The following RHBDL3 variants were observed in gnomAD, a reference collection of about 807,000 sequenced individuals.
RHBDL3 encodes the protein rhomboid-related protein 3.
RHBDL3 carries 28 observed loss-of-function variants against 48.2 expected under a neutral mutation model. The observed-to-expected ratio is 0.58, with a 90% CI of 0.43 to 0.80. The LOEUF (loss-of-function observed/expected upper bound fraction) is 0.80. Among genes scored for constraint, RHBDL3 ranks in the 30% least tolerant of loss-of-function variants. The pLI, the probability that RHBDL3 is intolerant of heterozygous loss-of-function variation, is 0.00. For missense variants in RHBDL3, 464 were observed against 542.7 expected (o/e 0.85, Z 1.44); for synonymous variants, 208 against 232.3 (o/e 0.90, Z 0.95).
intron 6 of RHBDL3, among the ~76,000 whole-genome samples, chr17:32,304,110 C>T (rs1465861528): frequency 6.6e-6 from 1 of 152,186 alleles, no homozygotes; most frequent in African/African-American, 2.4e-5. Context: ...CCCCTCTTTT[C>T]TTTGCTCAGC....
intron 6 of RHBDL3, among the ~76,000 whole-genome samples, chr17:32,305,072 C>G (rs367904837): frequency 6.6e-6 from 1 of 150,842 alleles, no homozygotes; most frequent in Admixed American, 6.6e-5. Flanking sequence ...GTGAGCTGAT[C>G]GTGCCACTGC....
chr17:32,287,791 G>A (rs1056774166), intron 3 of RHBDL3, among the ~76,000 whole-genome samples: 10 of 152,192 alleles, frequency 6.6e-5, no homozygotes, highest in African/African-American at 2.4e-4. Context: ...CTGAGGTGTG[G>A]GCTTGGGAGA....
intron 6 of RHBDL3, among the ~76,000 whole-genome samples, chr17:32,298,940 G>A (rs1162632372): frequency 6.6e-6 from 1 of 152,168 alleles, no homozygotes; most frequent in Non-Finnish European, 1.5e-5. Flanking sequence ...AGGTGAGGTG[G>A]GTGAAGTTAG....
At chr17:32,291,005 A>G (rs1236558426) in intron 4 of RHBDL3, among the ~76,000 whole-genome samples, 1 of 148,570 alleles carries the variant, frequency 6.7e-6, no homozygotes, top group Non-Finnish European at 1.5e-5. Flanking sequence ...TGTCTCAAGA[A>G]AAAAAAAAAA....
chr17:32,305,236 T>C, intron 6 of RHBDL3, 105 bp from the exon 7 acceptor site: 1 of 764,622 alleles, frequency 1.3e-6, no homozygotes, highest in South Asian at 1.4e-5. Flanking sequence ...TGGAGCGTCT[T>C]GCTCTGGAGT....
At chr17:32,284,441 G>A in intron 2 of RHBDL3, 1 of 509,844 alleles carries the variant, frequency 2.0e-6, no homozygotes, top group Admixed American at 3.5e-5. Flanking sequence ...ATCCACGTGA[G>A]ATGGTTGGAT....
Position 32,322,341 on chromosome 17 carries a change from A to G in RHBDL3, c.*1112A>G, listed in dbSNP as rs2041155527. On this transcript the variant is annotated 3_prime_UTR_variant, in exon 9 of 9. Transcript: ENST00000269051. ...GTCCCTTCCACACCTGCCCCTGAGCATCACTGACCGGTGGCAGAATGGCCC... is the reference window on the plus strand; with the variant it reads ...GTCCCTTCCACACCTGCCCCTGAGCGTCACTGACCGGTGGCAGAATGGCCC... The G allele has an allele frequency of 1.3e-5, 2 of 152,376 alleles. No homozygotes were observed. The highest frequency in any genetic ancestry group is 2.9e-5 in the Non-Finnish European group (2 of 68,138). 9.4% of individuals were successfully genotyped at this position (152,376 alleles called of 1,614,324 possible). A position where few individuals can be genotyped will look rare whatever the true frequency, so the allele number is the denominator to read the frequency against.
At chr17:32,277,040 CT>C (rs1234464605) in intron 2 of RHBDL3, among the ~76,000 whole-genome samples, 1 of 152,244 alleles carries the variant, frequency 6.6e-6, no homozygotes, top group African/African-American at 2.4e-5. Flanking sequence ...CTCATTCTGC[CT>C]TGGTGTGTGT....
chr17:32,307,311 T>C (rs2040733867), intron 7 of RHBDL3, among the ~76,000 whole-genome samples: 1 of 152,226 alleles, frequency 6.6e-6, no homozygotes, highest in Non-Finnish European at 1.5e-5. Context: ...TTTGGGGTCC[T>C]CCTGTTCTCA....
chr17:32,315,464 C>T (rs971019957), intron 7 of RHBDL3, among the ~76,000 whole-genome samples: 28 of 152,146 alleles, frequency 1.8e-4, no homozygotes, highest in African/African-American at 5.6e-4. Context: ...TTGGAGGTTC[C>T]GAGTTTTCCA....
intron 5 of RHBDL3, among the ~76,000 whole-genome samples, chr17:32,296,647 A>AT (rs1219869226): frequency 3.3e-5 from 5 of 151,866 alleles, no homozygotes; most frequent in Non-Finnish European, 5.9e-5. Flanking sequence ...ATCTCTTCTT[A>AT]TACCAGTAAA....
chr17:32,267,234 A>G (rs909527691), intron 1 of RHBDL3, among the ~76,000 whole-genome samples: 15 of 151,888 alleles, frequency 9.9e-5, no homozygotes, highest in African/African-American at 3.4e-4. Context: ...GGTTAAATCT[A>G]TCACTTCCTT....
intron 6 of RHBDL3, among the ~76,000 whole-genome samples, chr17:32,302,862 C>T (rs984956543): frequency 6.6e-6 from 1 of 152,228 alleles, no homozygotes; most frequent in Non-Finnish European, 1.5e-5. Context: ...GTTCTCTAGG[C>T]CCCATCCCCA....
chr17:32,273,811 C>T (rs1333001584), intron 2 of RHBDL3, among the ~76,000 whole-genome samples: 4 of 152,248 alleles, frequency 2.6e-5, no homozygotes, highest in Non-Finnish European at 4.4e-5. Flanking sequence ...TCTCAGCTCA[C>T]TGCAACCTCT....
intron 2 of RHBDL3, among the ~76,000 whole-genome samples, chr17:32,283,384 T>G (rs377440422): frequency 3.8e-4 from 55 of 144,138 alleles, no homozygotes; most frequent in South Asian, 3.5e-3. Context: ...TGCAGTGGCG[T>G]GATCTCAGCT....
intron 7 of RHBDL3, among the ~76,000 whole-genome samples, chr17:32,308,654 G>A (rs1256192519): frequency 1.3e-5 from 2 of 152,178 alleles, no homozygotes; most frequent in African/African-American, 2.4e-5. Context: ...GTTTATTGAC[G>A]ATGAAAGAAA....
In RHBDL3 at chr17:32,288,814, G is replaced by C; in HGVS notation, c.317G>C (p.Ser106Thr). The C allele has an allele frequency of 6.2e-7, 1 of 1,612,934 alleles. No individual in the cohort carries two copies. Among genetic ancestry groups the C allele is most frequent in the South Asian group, 1.1e-5 (1 of 91,006 alleles). ...VSLMSNKRSN[S>T]FRQAILQGNR... The stretch of plus-strand genomic sequence containing the variant: ...CAGATGAGCAACAAGCGTTCCAACA[G>C]CTTCCGCCAAGCCATCCTGCAGGGC... The change falls in exon 4 of 9, where the codon AGC becomes ACC. Residue 106 changes from serine to threonine, a missense_variant. Transcript: ENST00000269051.
intron 2 of RHBDL3, among the ~76,000 whole-genome samples, chr17:32,270,896 G>A (rs1394360063): frequency 6.6e-5 from 10 of 152,176 alleles, no homozygotes; most frequent in African/African-American, 9.6e-5. Flanking sequence ...GTATAATATC[G>A]TAGTAAAGAT....
chr17:32,284,084 C>T (rs2040135345), intron 2 of RHBDL3: 1 of 152,024 alleles, frequency 6.6e-6, no homozygotes, highest in Non-Finnish European at 1.5e-5. Flanking sequence ...GCACAAACAC[C>T]CCCCAAACAA....
Sources: gnomAD v4.1 joint callset for allele counts (sites outside exome capture counted in the v4.1 genomes callset) on GRCh38, gnomAD v4.1.1 for gene constraint, MANE v1.5 for transcripts, NCBI Gene and HGNC (gene_info 2026-07-23, HGNC 2026-07-21) for gene names.